The following LRRC14 variants were observed in gnomAD, a reference collection of about 807,000 sequenced individuals.
The protein encoded by LRRC14 is leucine-rich repeat-containing protein 14.
In LRRC14, 16 loss-of-function variants were observed where a neutral mutation model predicts 25.3. The ratio of observed to expected loss-of-function variants is 0.63; its 90% CI spans 0.43 to 0.96. The LOEUF (loss-of-function observed/expected upper bound fraction) is 0.96, where lower values mean the gene tolerates loss of function less well. Ranked by LOEUF, LRRC14 falls within the 40% of genes least tolerant of loss-of-function variation. The probability of loss-of-function intolerance (pLI) is 0.00; values close to 1 mark genes in which losing one functional copy is unlikely to be tolerated. For missense variants in LRRC14, 594 were observed against 660.5 expected (o/e 0.90, Z 1.10); for synonymous variants, 359 against 295.1 (o/e 1.22, Z -2.22).
Position 144,522,726 on chromosome 8 carries a change from T to A in LRRC14, c.*1248T>A. ...GGAGGCCCCCGCGCCTTTTTTCGCCTGCGGCGCCGGCGACAGATCATGGCG... is the reference window on the plus strand; with the variant it reads ...GGAGGCCCCCGCGCCTTTTTTCGCCAGCGGCGCCGGCGACAGATCATGGCG... On this transcript the variant is annotated 3_prime_UTR_variant, in exon 4 of 4. Transcript: ENST00000292524. The A allele has an allele frequency of 6.3e-7, 1 of 1,593,266 alleles. No individual in the cohort carries two copies. The highest frequency in any genetic ancestry group is 1.1e-5 in the South Asian group (1 of 88,404).
At position 144,522,368 on chromosome 8, in the gene LRRC14, A is replaced by C; in HGVS notation, c.*890A>C. The C allele has an allele frequency of 1.5e-6, 2 of 1,330,992 alleles. No homozygotes were observed. Among genetic ancestry groups the C allele is most frequent in the Non-Finnish European group, 9.6e-7 (1 of 1,044,284 alleles). 82.4% of individuals were successfully genotyped at this position (1,330,992 alleles called of 1,614,324 possible). A position where few individuals can be genotyped will look rare whatever the true frequency, so the allele number is the denominator to read the frequency against. ...GTGCAACGTTCCCGGCTCGCGCCCC[A>C]CACACGGCTCAGCGCACACTGCGCG... is the stretch of plus-strand genomic sequence containing the variant. On this transcript the variant is annotated 3_prime_UTR_variant, in exon 4 of 4. Transcript: ENST00000292524.
At position 144,522,541 on chromosome 8, in the gene LRRC14, G is replaced by A. The variant is rs1816149423; in HGVS notation, c.*1063G>A. 6.5e-7 allele frequency: 1 copy of A among 1,526,888 alleles called. No homozygotes were observed. Among genetic ancestry groups the A allele is most frequent in the Non-Finnish European group, 8.8e-7 (1 of 1,138,920 alleles). 94.6% of individuals were successfully genotyped at this position (1,526,888 alleles called of 1,614,324 possible). On this transcript the variant is annotated 3_prime_UTR_variant, in exon 4 of 4. Coordinates refer to ENST00000292524, the MANE Select transcript of LRRC14 (RefSeq NM_014665.4). ...GTCCCGGCCCCGCCCCCTGTTCCGG[G>A]CCGCAGTCAGCGGGCGCCTCCGCCG...
rs764566147 is a variant in LRRC14, at chr8:144,523,082, C to G, written c.*1604C>G. 6.2e-7 allele frequency: 1 copy of G among 1,608,290 alleles called. No homozygotes were observed. Among genetic ancestry groups the G allele is most frequent in the Non-Finnish European group, 8.5e-7 (1 of 1,179,112 alleles). On this transcript the variant is annotated 3_prime_UTR_variant, in exon 4 of 4. Coordinates refer to ENST00000292524, the MANE Select transcript of LRRC14 (RefSeq NM_014665.4). ...GTGTCCGCCCAGGCCCAGCAACCCG[C>G]CTTCTAGCTGGGCCTGGGCTCGCGG...
chr8:144,522,463 G>C lies in LRRC14; in HGVS notation c.*985G>C, dbSNP rs769551899. 1.2e-5 allele frequency: 17 copies of C among 1,404,708 alleles called. No homozygotes were observed. The highest frequency in any genetic ancestry group is 3.0e-5 in the East Asian group (1 of 33,722). 87.0% of individuals were successfully genotyped at this position (1,404,708 alleles called of 1,614,324 possible). On this transcript the variant is annotated 3_prime_UTR_variant, in exon 4 of 4. Coordinates refer to ENST00000292524, the MANE Select transcript of LRRC14 (RefSeq NM_014665.4). ...AATCTCCGGCGCCCACGTCATCCGC[G>C]CGCCCGCGGCCCTAGCAGTGGATCT...
In LRRC14 at chr8:144,522,140, C is replaced by A; in HGVS notation, c.*662C>A. 3.2e-6 allele frequency: 1 copy of A among 311,678 alleles called. No homozygotes were observed. The highest frequency in any genetic ancestry group is 2.1e-5 in the African/African-American group (1 of 46,538). The allele number at this position is 311,678 out of a possible 1,614,324, so 19.3% of individuals were successfully genotyped here. On this transcript the variant is annotated 3_prime_UTR_variant, in exon 4 of 4. Transcript: ENST00000292524. The stretch of plus-strand genomic sequence containing the variant: ...ATCCAGCCTGTCGCCCCGCCCTTCG[C>A]GGGGCAGCCCCGTCGGCACTGCCGG...
rs543083209 is a variant in LRRC14 at position 144,521,160 on chromosome 8, C to A, written c.1164C>A (p.Ile388=). The change falls in exon 4 of 4, where the codon ATC becomes ATA. Residue 388 remains isoleucine (I), a synonymous_variant. Coordinates refer to ENST00000292524, the MANE Select transcript of LRRC14 (RefSeq NM_014665.4). The part of the protein sequence containing the change: ...ADTQLLATLP[I]LTQCASLRYL... ...CCCAGCTGTTGGCCACACTACCCATCCTGACTCAGTGCGCCAGTCTCCGGT... is the reference window on the plus strand; with the variant it reads ...CCCAGCTGTTGGCCACACTACCCATACTGACTCAGTGCGCCAGTCTCCGGT... 1 of 1,613,172 alleles carries A rather than the reference C, an allele frequency of 6.2e-7. No homozygotes were observed. Among genetic ancestry groups the A allele is most frequent in the Non-Finnish European group, 8.5e-7 (1 of 1,180,048 alleles).
In LRRC14 at chr8:144,520,987, C is replaced by T. The variant is rs762276370; in HGVS notation, c.991C>T (p.Arg331Trp). Residue 331 changes from arginine (R) to tryptophan (W), a missense_variant, in exon 4 of 4, where the codon CGG becomes TGG. By Grantham distance (101) the Arg-to-Trp change is moderately radical (BLOSUM62 -3). Coordinates refer to ENST00000292524, the MANE Select transcript of LRRC14 (RefSeq NM_014665.4). ...GCCTGAGGACCTACGCTTCCTGGCA[C>T]GGAGCCCACATGCTGCCCACCTCAA... ...LLPEDLRFLA[R>W]SPHAAHLKKL... 32 of 1,613,044 alleles carry T rather than the reference C, an allele frequency of 2.0e-5. No homozygotes were observed. Among genetic ancestry groups the T allele is most frequent in the Admixed American group, 5.0e-5 (3 of 60,006 alleles).
intron 1 of LRRC14, 121 bp downstream of exon 1, chr8:144,518,162 C>T: frequency 6.3e-6 from 1 of 158,366 alleles, no homozygotes; most frequent in Non-Finnish European, 1.4e-5. Flanking sequence ...GCAGTGGCTG[C>T]ATTTGGGAGC....
Position 144,521,310 on chromosome 8 carries a change from G to C in LRRC14, c.1314G>C (p.Leu438Phe), listed in dbSNP as rs146960486. The C allele has an allele frequency of 5.6e-6, 9 of 1,612,964 alleles. No homozygotes were observed. Among genetic ancestry groups the C allele is most frequent in the Non-Finnish European group, 7.6e-6 (9 of 1,180,008 alleles). The change falls in exon 4 of 4, where the codon TTG (leucine) becomes TTC (phenylalanine). Residue 438 changes from leucine (L) to phenylalanine (F), a missense_variant. Coordinates refer to ENST00000292524, the MANE Select transcript of LRRC14 (RefSeq NM_014665.4). Reference sequence around the variant, plus strand: ...TCCCTGTGGACTGCTATGAGGGCTTGCCCTGGCCGCCGCCTGCCTCTGTCC... The same window carrying C: ...TCCCTGTGGACTGCTATGAGGGCTTCCCCTGGCCGCCGCCTGCCTCTGTCC... The part of the protein sequence containing the change: ...HPFPVDCYEG[L>F]PWPPPASVLL...
In LRRC14 at chr8:144,522,959, G is replaced by A. The variant is rs779532563; in HGVS notation, c.*1481G>A. 5.6e-5 allele frequency: 89 copies of A among 1,578,234 alleles called. No homozygotes were observed. The highest frequency in any genetic ancestry group is 6.7e-5 in the Non-Finnish European group (78 of 1,169,522). ...CAGGAGCCGGAAGGGCACGCGGGCA[G>A]CGCCGCCGGCGTTGGAGGCCTCGCA... is the stretch of plus-strand genomic sequence containing the variant. On this transcript the variant is annotated 3_prime_UTR_variant, in exon 4 of 4. Transcript: ENST00000292524.
rs1045126686 is a variant in LRRC14 at position 144,523,042 on chromosome 8, C to T, written c.*1564C>T. The T allele has an allele frequency of 2.6e-5, 42 of 1,602,400 alleles. No individual in the cohort carries two copies. The highest frequency in any genetic ancestry group is 2.5e-4 in the Admixed American group (15 of 59,178). Reference sequence around the variant, plus strand: ...TGCTGAGGAAGAGCATGCCGCTGCCCGTGTCGGATGCCGAGTGTCCGCCCA... The same window carrying T: ...TGCTGAGGAAGAGCATGCCGCTGCCTGTGTCGGATGCCGAGTGTCCGCCCA... On this transcript the variant is annotated 3_prime_UTR_variant, in exon 4 of 4. Coordinates refer to ENST00000292524, the MANE Select transcript of LRRC14 (RefSeq NM_014665.4).
In LRRC14 at chr8:144,521,834, C is replaced by T. The variant is rs965163539; in HGVS notation, c.*356C>T. ...GAGAGAGATGATGGCCTCTCTGGGC[C>T]TTTCCTCTCCCTTTACTGAGAGCTC... On this transcript the variant is annotated 3_prime_UTR_variant, in exon 4 of 4. Coordinates refer to ENST00000292524, the MANE Select transcript of LRRC14 (RefSeq NM_014665.4). 1 of 262,884 alleles carries T rather than the reference C, an allele frequency of 3.8e-6. No homozygotes were observed. Among genetic ancestry groups the T allele is most frequent in the African/African-American group, 2.2e-5 (1 of 45,020 alleles). 16.3% of individuals were successfully genotyped at this position (262,884 alleles called of 1,614,324 possible). A position where few individuals can be genotyped will look rare whatever the true frequency, so the allele number is the denominator to read the frequency against.
rs775452212 is a variant in LRRC14 at position 144,522,537 on chromosome 8, C to G, written c.*1059C>G. The stretch of plus-strand genomic sequence containing the variant: ...CGGAGTCCCGGCCCCGCCCCCTGTT[C>G]CGGGCCGCAGTCAGCGGGCGCCTCC... On this transcript the variant is annotated 3_prime_UTR_variant, in exon 4 of 4. Coordinates refer to ENST00000292524, the MANE Select transcript of LRRC14 (RefSeq NM_014665.4). The G allele has an allele frequency of 1.2e-5, 19 of 1,524,754 alleles. No individual in the cohort carries two copies. Among genetic ancestry groups the G allele is most frequent in the Admixed American group, 2.1e-5 (1 of 47,950 alleles). 94.5% of individuals were successfully genotyped at this position (1,524,754 alleles called of 1,614,324 possible).
At position 144,521,095 on chromosome 8, in the gene LRRC14, C is replaced by G; in HGVS notation, c.1099C>G (p.Leu367Val). The change falls in exon 4 of 4, where the codon CTG (leucine) becomes GTG (valine). Residue 367 changes from leucine to valine, a missense_variant. Leu to Val is a conservative substitution (Grantham distance 32). Transcript: ENST00000292524. ...TCTGTTGCAGGCATCAGCAGCCACA[C>G]TGTTGCATCTGGAGCTGACTGAGTG... ...QGLLQASAAT[L>V]LHLELTECQL... The G allele has an allele frequency of 6.2e-7, 1 of 1,613,118 alleles. No individual in the cohort carries two copies. Among genetic ancestry groups the G allele is most frequent in the South Asian group, 1.1e-5 (1 of 91,092 alleles).
rs1455405559 is a variant in LRRC14, at chr8:144,524,293, G to A, written c.*2815G>A. On this transcript the variant is annotated 3_prime_UTR_variant, in exon 4 of 4. Transcript: ENST00000292524. The stretch of plus-strand genomic sequence containing the variant: ...TCCTGCAGTCGCTGAAGTAAGGACA[G>A]CAGATCGTGAGGAAAAAGGGCGCCG... The A allele has an allele frequency of 6.2e-7, 1 of 1,609,982 alleles. No individual in the cohort carries two copies. Among genetic ancestry groups the A allele is most frequent in the Non-Finnish European group, 8.5e-7 (1 of 1,179,816 alleles).
intron 1 of LRRC14, 62 bp from the exon 2 acceptor site, chr8:144,519,553 C>G (rs181336423): frequency 3.2e-6 from 2 of 626,310 alleles, no homozygotes; most frequent in African/African-American, 3.7e-5. Flanking sequence ...CAGCCCAGCG[C>G]TAGGCATCTA....
chr8:144,524,288 G>A lies in LRRC14; in HGVS notation c.*2810G>A. The A allele has an allele frequency of 1.2e-6, 2 of 1,610,734 alleles. No homozygotes were observed. The highest frequency in any genetic ancestry group is 2.2e-5 in the South Asian group (2 of 91,086). On this transcript the variant is annotated 3_prime_UTR_variant, in exon 4 of 4. Transcript: ENST00000292524. ...GAAGCTCCTGCAGTCGCTGAAGTAAGGACAGCAGATCGTGAGGAAAAAGGG... is the reference window on the plus strand; with the variant it reads ...GAAGCTCCTGCAGTCGCTGAAGTAAAGACAGCAGATCGTGAGGAAAAAGGG...
chr8:144,522,501 G>A lies in LRRC14; in HGVS notation c.*1023G>A. 3.3e-6 allele frequency: 5 copies of A among 1,494,412 alleles called. No individual in the cohort carries two copies. The highest frequency in any genetic ancestry group is 4.4e-6 in the Non-Finnish European group (5 of 1,127,766). 92.6% of individuals were successfully genotyped at this position (1,494,412 alleles called of 1,614,324 possible). ...TAGCAGTGGATCTCGTAGGCGACCG[G>A]CGGGGGCACGCGGAGTCCCGGCCCC... On this transcript the variant is annotated 3_prime_UTR_variant, in exon 4 of 4. Coordinates refer to ENST00000292524, the MANE Select transcript of LRRC14 (RefSeq NM_014665.4).
chr8:144,519,287 C>T (rs1815782412), intron 1 of LRRC14: 2 of 234,888 alleles, frequency 8.5e-6, no homozygotes, highest in Admixed American at 5.0e-5. Context: ...AATACTAATG[C>T]TGATGAAGGT....
Sources: allele counts gnomAD v4.1 joint callset, GRCh38; gene constraint gnomAD v4.1.1; transcripts MANE v1.5; gene names NCBI Gene and HGNC (gene_info 2026-07-23, HGNC 2026-07-21).